FAM78B: variants seen among roughly 807,000 people sequenced by gnomAD.
FAM78B encodes the protein family with sequence similarity 78 member B, also known as protein FAM78B.
In FAM78B, 10 loss-of-function variants were observed where a neutral mutation model predicts 20.0. The ratio of observed to expected loss-of-function variants is 0.50; its 90% CI spans 0.31 to 0.85. The LOEUF is 0.85. FAM78B is among the 40% of genes least tolerant of loss of function. The probability of loss-of-function intolerance (pLI) is 0.05; values close to 1 mark genes in which losing one functional copy is unlikely to be tolerated. For synonymous variants in FAM78B, 135 were observed against 132.8 expected (o/e 1.02, Z -0.12); for missense variants, 283 against 345.0 (o/e 0.82, Z 1.42).
At chr1:166,131,770 G>T (rs949807701) in intron 1 of FAM78B, among the ~76,000 whole-genome samples, 1 of 152,190 alleles carries the variant, frequency 6.6e-6, no homozygotes, top group East Asian at 1.9e-4. Flanking sequence ...ATGAAAAAAA[G>T]TAAGGTTACG....
At chr1:166,079,911 C>T (rs944005427) in intron 1 of FAM78B, among the ~76,000 whole-genome samples, 1 of 152,192 alleles carries the variant, frequency 6.6e-6, no homozygotes, top group East Asian at 1.9e-4. Context: ...ACAGTTCCAA[C>T]CTGGAATGTT....
chr1:166,064,657 G>GT (rs761712582), downstream of FAM78B, among the ~76,000 whole-genome samples: 3 of 152,334 alleles, frequency 2.0e-5, no homozygotes, highest in East Asian at 5.8e-4. Context: ...TCACTTGGCA[G>GT]TAAGAGTGAG....
chr1:166,125,832 A>AT (rs34168180), intron 1 of FAM78B, among the ~76,000 whole-genome samples: 7,361 of 128,738 alleles, frequency 0.057, 725 homozygotes, highest in African/African-American at 0.18. Context: ...GCTACTTTGA[A>AT]TTTTTTTTTT....
exon 3 of FAM78B, chr1:166,060,541 T>C: frequency 8.4e-7 from 1 of 1,191,254 alleles, no homozygotes; most frequent in Non-Finnish European, 1.1e-6. Context: ...GGCACACATT[T>C]TAATGGGAAA....
chr1:166,094,003 C>CTTTG (rs1553217256), intron 1 of FAM78B, among the ~76,000 whole-genome samples: 1 of 125,520 alleles, frequency 8.0e-6, no homozygotes, highest in Non-Finnish European at 1.7e-5. Flanking sequence ...TTGCGAATGA[C>CTTTG]TGTGTGTGTG....
intron 1 of FAM78B, among the ~76,000 whole-genome samples, chr1:166,140,726 C>T (rs7522889): frequency 0.91 from 139,047 of 152,288 alleles, 64,825 homozygotes; most frequent in East Asian, 1. Context: ...ACACTTGAGG[C>T]AAAATACAAC....
chr1:166,083,293 T>A (rs567006343), intron 1 of FAM78B, among the ~76,000 whole-genome samples: 235 of 152,276 alleles, frequency 1.5e-3, no homozygotes, highest in African/African-American at 5.1e-3. Flanking sequence ...TAAAAAGGAA[T>A]GAGTTACCTC....
At chr1:166,115,906 GA>G (rs1278064632) in intron 1 of FAM78B, among the ~76,000 whole-genome samples, 3 of 152,208 alleles carry the variant, frequency 2.0e-5, no homozygotes, top group African/African-American at 7.2e-5. Context: ...TCTCTAAACA[GA>G]AAACAAGGTC....
chr1:166,109,860 ATGT>A (rs1653954812), intron 1 of FAM78B, among the ~76,000 whole-genome samples: 1 of 22,484 alleles, frequency 4.4e-5, no homozygotes. Flanking sequence ...ATATATATAT[ATGT>A]ATGTGTATAT....
At chr1:166,068,829 A>T (rs1412578510), downstream of FAM78B, among the ~76,000 whole-genome samples, 1 of 152,204 alleles carries the variant, frequency 6.6e-6, no homozygotes, top group Non-Finnish European at 1.5e-5. Flanking sequence ...TATTGAGAAT[A>T]AAGGGAAAAG....
intron 1 of FAM78B, among the ~76,000 whole-genome samples, chr1:166,121,361 G>A (rs1422366287): frequency 6.6e-6 from 1 of 152,178 alleles, no homozygotes; most frequent in Non-Finnish European, 1.5e-5. Context: ...AGGGTTCACA[G>A]GGTAGTGGAG....
At chr1:166,126,728 G>A (rs12097635) in intron 1 of FAM78B, among the ~76,000 whole-genome samples, 24,715 of 152,044 alleles carry the variant, frequency 0.16, 2,185 homozygotes, top group South Asian at 0.27. Context: ...GATAATTATT[G>A]CATTATGTAG....
chr1:166,106,723 G>C (rs1653802232), intron 1 of FAM78B, among the ~76,000 whole-genome samples: 5 of 152,142 alleles, frequency 3.3e-5, no homozygotes, highest in Admixed American at 3.3e-4. Flanking sequence ...TACTTGGAGG[G>C]GGAGAGAGGG....
chr1:166,102,738 G>A (rs1379732626), intron 1 of FAM78B, among the ~76,000 whole-genome samples: 4 of 152,152 alleles, frequency 2.6e-5, no homozygotes, highest in Non-Finnish European at 5.9e-5. Context: ...AAGAGACTTA[G>A]ACTCCCACAC....
At chr1:166,074,006 C>T (rs1304275866) in intron 1 of FAM78B, among the ~76,000 whole-genome samples, 1 of 152,200 alleles carries the variant, frequency 6.6e-6, no homozygotes, top group Non-Finnish European at 1.5e-5. Flanking sequence ...CTTACCTGGT[C>T]TACTGGAATG....
At chr1:166,122,464 T>C (rs1212595316) in intron 1 of FAM78B, among the ~76,000 whole-genome samples, 2 of 152,246 alleles carry the variant, frequency 1.3e-5, no homozygotes, top group Non-Finnish European at 2.9e-5. Context: ...CAGTTTGATA[T>C]TTATACATGT....
At chr1:166,060,676 A>G in intron 2 of FAM78B, 1 of 1,282,574 alleles carries the variant, frequency 7.8e-7, no homozygotes, top group South Asian at 1.2e-5. Flanking sequence ...GTATGTGGAC[A>G]TGGAAACATG....
Position 166,106,140 on chromosome 1 carries a change from G to T in FAM78B, c.264-35377C>A, listed in dbSNP as rs910865462. 7.4e-5 allele frequency among the ~76,000 whole-genome samples: 11 copies of T among 149,116 alleles called. No homozygotes were observed. The East Asian group carries it at 2.2e-3, about 30-fold the overall frequency. ...CAAACACCGTATGTTCTCACTCACA[G>T]GTGGGAATTGAACAGTGAGAACACA... On this transcript the variant is annotated intron_variant, in intron 1 of 1. Transcript: ENST00000354422.
chr1:166,158,812 A>G (rs1656022027), intron 1 of FAM78B, among the ~76,000 whole-genome samples: 1 of 152,262 alleles, frequency 6.6e-6, no homozygotes, highest in Non-Finnish European at 1.5e-5. Flanking sequence ...GGCAGGCACC[A>G]ATCCCTTCCA....
Sources: gnomAD v4.1 joint callset for allele counts (sites outside exome capture counted in the v4.1 genomes callset) on GRCh38, gnomAD v4.1.1 for gene constraint, MANE v1.5 for transcripts, NCBI Gene and HGNC (gene_info 2026-07-23, HGNC 2026-07-21) for gene names.